SPATA6L: variants seen among roughly 807,000 people sequenced by gnomAD.
The protein encoded by SPATA6L is spermatogenesis associated 6 like.
Under a neutral mutation model 49.2 loss-of-function variants are expected in SPATA6L, and 68 were observed. That is an observed-to-expected ratio of 1.38 (90% CI 1.14 to 1.69). SPATA6L has a LOEUF of 1.69. SPATA6L is among the 40% of genes most tolerant of loss of function. The pLI, the probability that SPATA6L is intolerant of heterozygous loss-of-function variation, is 0.00. For missense variants in SPATA6L, 668 were observed against 464.3 expected (o/e 1.44, Z -4.03); for synonymous variants, 198 against 165.7 (o/e 1.19, Z -1.50).
At chr9:4,606,100 C>A (rs1339273792) in intron 9 of SPATA6L, among the ~76,000 whole-genome samples, 1 of 152,084 alleles carries the variant, frequency 6.6e-6, no homozygotes, top group African/African-American at 2.4e-5. Context: ...TGCGCTTTTC[C>A]TACGGGCTTA....
At chr9:4,626,539 C>T (rs1293561936) in intron 5 of SPATA6L, 1 of 1,304,088 alleles carries the variant, frequency 7.7e-7, no homozygotes, top group Admixed American at 2.3e-5. Context: ...CAACATCTTC[C>T]CTTTGTTTCC....
rs558647092 is a variant in SPATA6L at position 4,635,822 on chromosome 9, G to C, written c.227-423C>G. ...GTGTTCTGTGATGCATGGATGCCAA[G>C]GGCCCAGATGACAGCTACAGCTGTG... On this transcript the variant is annotated intron_variant, in intron 3 of 11. Coordinates refer to ENST00000682582, the MANE Select transcript of SPATA6L (RefSeq NM_001353486.2). 2.0e-5 allele frequency among the ~76,000 whole-genome samples: 3 copies of C among 152,266 alleles called. No individual in the cohort carries two copies. The South Asian group carries it at 6.2e-4, about 32-fold the overall frequency.
intron 9 of SPATA6L, among the ~76,000 whole-genome samples, chr9:4,606,412 A>C (rs1274095905): frequency 3.2e-5 from 3 of 92,374 alleles, no homozygotes; most frequent in Non-Finnish European, 6.5e-5. Flanking sequence ...GACAGCTTTG[A>C]AGAGAGCAGT....
intron 2 of SPATA6L, among the ~76,000 whole-genome samples, chr9:4,658,415 G>C (rs1221396840): frequency 6.6e-6 from 1 of 152,186 alleles, no homozygotes; most frequent in Non-Finnish European, 1.5e-5. Context: ...GCTAGAGAAG[G>C]AAACAGATAC....
downstream of SPATA6L, among the ~76,000 whole-genome samples, chr9:4,596,864 A>C (rs1822301477): frequency 1.3e-5 from 2 of 152,166 alleles, no homozygotes; most frequent in African/African-American, 4.8e-5. Flanking sequence ...GGGTTTGCAA[A>C]CTGGCTCTGA....
chr9:4,649,527 T>C (rs1836320792), intron 3 of SPATA6L, among the ~76,000 whole-genome samples: 1 of 152,208 alleles, frequency 6.6e-6, no homozygotes, highest in South Asian at 2.1e-4. Context: ...AAGAGGAAAC[T>C]ATAGTAATGT....
rs1187436313 is a variant in SPATA6L at position 4,613,550 on chromosome 9, G to A, written c.995+4373C>T. On this transcript the variant is annotated intron_variant, in intron 9 of 11. Transcript: ENST00000682582. Reference sequence around the variant, plus strand: ...AAGCACCACCTAAAGCACTGCCCATGTTTAAGACTACAAACATTATTTCTA... The same window carrying A: ...AAGCACCACCTAAAGCACTGCCCATATTTAAGACTACAAACATTATTTCTA... Among the ~76,000 whole-genome samples, 15 of 151,976 alleles carry A rather than the reference G, an allele frequency of 9.9e-5. 1 individual carries two copies. The highest frequency in any genetic ancestry group is 9.8e-4 in the Admixed American group (15 of 15,250).
At position 4,666,352 on chromosome 9, in the gene SPATA6L, C is replaced by T. The variant is rs1840865033; in HGVS notation, c.-102G>A. On this transcript the variant is annotated 5_prime_UTR_variant, in exon 1 of 12. Transcript: ENST00000682582. Reference sequence around the variant, plus strand: ...AGCTGAATACCTAGAGCAAATGTTCCCAGAAGCTTCCCCAGTCCCACGCCC... The same window carrying T: ...AGCTGAATACCTAGAGCAAATGTTCTCAGAAGCTTCCCCAGTCCCACGCCC... The T allele has an allele frequency of 8.0e-7, 1 of 1,255,188 alleles. No individual in the cohort carries two copies. Among genetic ancestry groups the T allele is most frequent in the Non-Finnish European group, 1.2e-6 (1 of 866,520 alleles). 77.8% of individuals were successfully genotyped at this position (1,255,188 alleles called of 1,614,324 possible).
intron 3 of SPATA6L, among the ~76,000 whole-genome samples, chr9:4,638,163 GAGAT>G (rs918167045): frequency 2.0e-5 from 3 of 149,058 alleles, no homozygotes; most frequent in Non-Finnish European, 4.4e-5. Flanking sequence ...TAGGAATAAA[GAGAT>G]AGAGAGGCTA....
intron 3 of SPATA6L, among the ~76,000 whole-genome samples, chr9:4,639,853 G>T (rs12340519): frequency 6.6e-6 from 1 of 152,112 alleles, no homozygotes; most frequent in African/African-American, 2.4e-5. Flanking sequence ...GCTTCCAGAT[G>T]CAGGATCACA....
At chr9:4,653,532 C>T (rs1563701989) in intron 3 of SPATA6L, among the ~76,000 whole-genome samples, 1 of 152,120 alleles carries the variant, frequency 6.6e-6, no homozygotes, top group Non-Finnish European at 1.5e-5. Flanking sequence ...AAAACTTTTG[C>T]ATTTCAAAAA....
At chr9:4,620,652 G>A (rs1052707685) in intron 7 of SPATA6L, among the ~76,000 whole-genome samples, 1 of 152,210 alleles carries the variant, frequency 6.6e-6, no homozygotes, top group African/African-American at 2.4e-5. Context: ...AGGTCTGAAT[G>A]TCTTCTCTAA....
At chr9:4,659,605 A>G (rs1839135564) in intron 2 of SPATA6L, among the ~76,000 whole-genome samples, 1 of 152,218 alleles carries the variant, frequency 6.6e-6, no homozygotes, top group African/African-American at 2.4e-5. Context: ...CATACTGCCC[A>G]GGGTAATTTA....
In SPATA6L at chr9:4,632,034, CTTTTTTT is replaced by C. The variant is rs905629115; in HGVS notation, c.352-2873_352-2867del. Among the ~76,000 whole-genome samples the C allele has an allele frequency of 4.6e-3, 517 of 113,020 alleles. 3 individuals carry two copies. The highest frequency in any genetic ancestry group is 0.018 in the African/African-American group (495 of 27,426). The allele number at this position is 113,020 out of a possible 152,430, so 74.1% of individuals were successfully genotyped here. A position where few individuals can be genotyped will look rare whatever the true frequency, so the allele number is the denominator to read the frequency against. On this transcript the variant is annotated intron_variant, in intron 4 of 11. Transcript: ENST00000682582. ...GTGAGCACACAGTGAACATCAGCTACTTTTTTTTTTTTTTTTTTTTTTTGAGATGCAG... is the reference window on the plus strand; with the variant it reads ...GTGAGCACACAGTGAACATCAGCTACTTTTTTTTTTTTTTTTGAGATGCAG...
At chr9:4,633,839 T>G (rs1832184339) in intron 4 of SPATA6L, 2 of 152,324 alleles carry the variant, frequency 1.3e-5, no homozygotes, top group Middle Eastern at 3.4e-3. Flanking sequence ...ATTGGTTTTA[T>G]TTTGCTTTAT....
intron 5 of SPATA6L, chr9:4,626,332 A>G (rs1389786983): frequency 2.4e-6 from 3 of 1,232,484 alleles, no homozygotes; most frequent in Non-Finnish European, 3.1e-6. Context: ...ATTTGAGTCT[A>G]GACCCACAGG....
intron 4 of SPATA6L, chr9:4,633,627 G>C: frequency 6.3e-6 from 1 of 159,846 alleles, no homozygotes; most frequent in Admixed American, 6.3e-5. Context: ...AGACTACTAA[G>C]GGAAATAAGA....
chr9:4,654,757 C>T (rs1837721732), intron 3 of SPATA6L, among the ~76,000 whole-genome samples: 1 of 152,304 alleles, frequency 6.6e-6, no homozygotes, highest in Middle Eastern at 3.4e-3. Flanking sequence ...CCAATGTACT[C>T]CTCTCGATGT....
chr9:4,661,866 G>C, intron 2 of SPATA6L, 33 bp downstream of exon 2: 1 of 1,609,824 alleles, frequency 6.2e-7, no homozygotes, highest in Non-Finnish European at 8.5e-7. Flanking sequence ...GTTATCTTCA[G>C]ACAACAAAAG....
Sources: allele counts gnomAD v4.1 joint callset (sites outside exome capture counted in the v4.1 genomes callset), GRCh38; gene constraint gnomAD v4.1.1; transcripts MANE v1.5; gene names NCBI Gene and HGNC (gene_info 2026-07-23, HGNC 2026-07-21).